Variants in SOX6 observed in about 807,000 individuals in gnomAD.
SOX6 encodes SRY-box transcription factor 6, also known as transcription factor SOX-6.
A neutral mutation model predicts 97.8 loss-of-function variants in SOX6; 11 were observed. The ratio of observed to expected loss-of-function variants is 0.11; its 90% confidence interval spans 0.07 to 0.19. The LOEUF (loss-of-function observed/expected upper bound fraction) is 0.19. Among genes scored for constraint, SOX6 ranks in the 10% least tolerant of loss-of-function variants. The pLI is 1.00. For synonymous variants in SOX6, 360 were observed against 371.4 expected (o/e 0.97, Z 0.35); for missense variants, 810 against 1,039.5 (o/e 0.78, Z 3.04).
intron 9 of SOX6, among the ~76,000 whole-genome samples, chr11:16,069,832 C>G (rs946184467): frequency 2.0e-5 from 3 of 152,038 alleles, no homozygotes; most frequent in South Asian, 2.1e-4. Flanking sequence ...TTCATTAACC[C>G]CTGCAGCCAG....
intron 13 of SOX6, among the ~76,000 whole-genome samples, chr11:16,012,938 A>G (rs16932443): frequency 0.075 from 11,402 of 152,152 alleles, 466 homozygotes; most frequent in Non-Finnish European, 0.098. Context: ...TTCAATCTAG[A>G]CAATCTAGGC....
At chr11:16,495,861 C>T (rs998375350) in intron 4 of SOX6, among the ~76,000 whole-genome samples, 3 of 152,294 alleles carry the variant, frequency 2.0e-5, no homozygotes, top group East Asian at 1.9e-4. Flanking sequence ...CTACTGTAAC[C>T]ACTGGGGAAC....
chr11:16,465,198 C>T (rs1860006109), intron 1 of SOX6, among the ~76,000 whole-genome samples: 1 of 152,142 alleles, frequency 6.6e-6, no homozygotes, highest in African/African-American at 2.4e-5. Context: ...AGCCTTCTCC[C>T]AGATATTGCC....
At chr11:16,167,664 G>A (rs536086113) in intron 6 of SOX6, among the ~76,000 whole-genome samples, 3 of 152,166 alleles carry the variant, frequency 2.0e-5, no homozygotes, top group Non-Finnish European at 4.4e-5. Flanking sequence ...CAGCTAGCAT[G>A]CTCTGCTGTT....
chr11:16,536,877 T>C (rs1196994795), intron 4 of SOX6, among the ~76,000 whole-genome samples: 3 of 152,222 alleles, frequency 2.0e-5, no homozygotes, highest in Admixed American at 6.5e-5. Context: ...AGGCAGGGCA[T>C]AGCTGAACAA....
chr11:16,729,331 A>C (rs939524388), intron 2 of SOX6, among the ~76,000 whole-genome samples: 1 of 152,192 alleles, frequency 6.6e-6, no homozygotes, highest in Non-Finnish European at 1.5e-5. Flanking sequence ...GCCAGAGAGA[A>C]AGGCTGGGTT....
chr11:16,272,461 A>G (rs1337622234), intron 3 of SOX6, among the ~76,000 whole-genome samples: 1 of 151,806 alleles, frequency 6.6e-6, no homozygotes, highest in East Asian at 1.9e-4. Context: ...AACAGTCTCA[A>G]AACAGAATAT....
At chr11:16,045,668 T>G (rs1321317559) in intron 12 of SOX6, among the ~76,000 whole-genome samples, 1 of 152,118 alleles carries the variant, frequency 6.6e-6, no homozygotes, top group Admixed American at 6.6e-5. Flanking sequence ...TTGGTGCTGG[T>G]CTAATCCTCC....
chr11:16,313,436 A>G (rs544764431), intron 3 of SOX6: 1 of 152,282 alleles, frequency 6.6e-6, no homozygotes, highest in Admixed American at 6.6e-5. Context: ...CCCTCAAACC[A>G]TGAAGTAGAT....
At chr11:16,700,466 C>T (rs1848084506) in intron 3 of SOX6, among the ~76,000 whole-genome samples, 1 of 152,164 alleles carries the variant, frequency 6.6e-6, no homozygotes, top group South Asian at 2.1e-4. Flanking sequence ...ACTGGTTATT[C>T]TCCATTTGCT....
At chr11:16,305,797 G>A (rs1855411949) in intron 3 of SOX6, among the ~76,000 whole-genome samples, 1 of 151,880 alleles carries the variant, frequency 6.6e-6, no homozygotes, top group African/African-American at 2.4e-5. Flanking sequence ...AATCTCCAGG[G>A]AAGTAAGCTG....
intron 15 of SOX6, among the ~76,000 whole-genome samples, chr11:15,974,378 C>CTTTTTTTTTTTTTTTTTTTTTTTTTTTTT (rs35597667): frequency 1.2e-5 from 1 of 85,658 alleles, no homozygotes; most frequent in Admixed American, 1.5e-4. Context: ...TTAGCTCTCT[C>CTTTTTTTTTTTTTTTTTTTTTTTTTTTTT]TTTTTTTTTT....
chr11:16,054,286 C>T (rs1466943545), intron 10 of SOX6, among the ~76,000 whole-genome samples: 3 of 152,102 alleles, frequency 2.0e-5, no homozygotes, highest in African/African-American at 7.2e-5. Context: ...CATACTTTAA[C>T]AACTACGAGT....
Position 16,107,395 on chromosome 11 carries a change from G to A in SOX6, c.898+4408C>T, listed in dbSNP as rs1056699949. The stretch of plus-strand genomic sequence containing the variant: ...AAATGTGATCTGTATACATATATAT[G>A]TATATATATGTATATATATATACAT... On this transcript the variant is annotated intron_variant, in intron 7 of 15. Coordinates refer to ENST00000683767, the MANE Select transcript of SOX6 (RefSeq NM_001367873.1). Among the ~76,000 whole-genome samples the A allele has an allele frequency of 8.5e-5, 12 of 140,846 alleles. 1 individual carries two copies. The highest frequency in any genetic ancestry group is 1.5e-5 in the Non-Finnish European group (1 of 66,236). 92.4% of individuals were successfully genotyped at this position (140,846 alleles called of 152,430 possible). A position where few individuals can be genotyped will look rare whatever the true frequency, so the allele number is the denominator to read the frequency against.
intron 1 of SOX6, chr11:16,402,798 AC>A (rs1182629148): frequency 1.3e-6 from 2 of 1,585,198 alleles, no homozygotes; most frequent in Admixed American, 1.8e-5. Context: ...TGAGACAACA[AC>A]CTTTCATGTC....
At chr11:16,437,624 C>CTAAAAT (rs1387242573) in intron 1 of SOX6, among the ~76,000 whole-genome samples, 1 of 152,126 alleles carries the variant, frequency 6.6e-6, no homozygotes, top group East Asian at 1.9e-4. Flanking sequence ...AATTCAGGAC[C>CTAAAAT]CATAGCATTC....
intron 1 of SOX6, among the ~76,000 whole-genome samples, chr11:16,373,759 C>A (rs200825677): frequency 6.2e-4 from 91 of 146,822 alleles, no homozygotes; most frequent in African/African-American, 2.2e-3. Context: ...ATTATATGTT[C>A]TGAACATTAT....
At chr11:16,064,575 G>A (rs1344980042) in intron 9 of SOX6, among the ~76,000 whole-genome samples, 1 of 150,218 alleles carries the variant, frequency 6.7e-6, no homozygotes, top group Non-Finnish European at 1.5e-5. Flanking sequence ...TATATATGAA[G>A]CCATATTACC....
At chr11:16,644,505 A>G (rs1215829209) in intron 3 of SOX6, among the ~76,000 whole-genome samples, 2 of 152,160 alleles carry the variant, frequency 1.3e-5, no homozygotes, top group Non-Finnish European at 2.9e-5. Context: ...ACTGATGTTC[A>G]TATCTGTAAT....
Sources: gnomAD v4.1 joint callset for allele counts (sites outside exome capture counted in the v4.1 genomes callset) on GRCh38, gnomAD v4.1.1 for gene constraint, MANE v1.5 for transcripts, NCBI Gene and HGNC (gene_info 2026-07-23, HGNC 2026-07-21) for gene names.